ABTB2: variants seen among roughly 807,000 people sequenced by gnomAD.
ABTB2 encodes the protein ankyrin repeat and BTB domain containing 2, also known as ankyrin repeat and BTB/POZ domain-containing protein 2.
Under a neutral mutation model 104.1 loss-of-function variants are expected in ABTB2, and 56 were observed. The ratio of observed to expected loss-of-function variants is 0.54; its 90% CI spans 0.43 to 0.67. The LOEUF is 0.67. Among genes scored for constraint, ABTB2 ranks in the 30% least tolerant of loss-of-function variants. ABTB2 has a pLI of 0.00. For missense variants in ABTB2, 1,279 were observed against 1,407.7 expected, an observed-to-expected ratio of 0.91 and a Z score of 1.46; for synonymous variants, 606 against 608.2, an observed-to-expected ratio of 1.00 and a Z score of 0.05.
chr11:34,302,749 G>A (rs1412085528), intron 1 of ABTB2, among the ~76,000 whole-genome samples: 1 of 152,222 alleles, frequency 6.6e-6, no homozygotes, highest in Non-Finnish European at 1.5e-5. Context: ...TTTAGCGCTT[G>A]CGAGGGGTAG....
At chr11:34,192,603 G>A (rs1853194027) in intron 3 of ABTB2, among the ~76,000 whole-genome samples, 1 of 152,212 alleles carries the variant, frequency 6.6e-6, no homozygotes, top group Admixed American at 6.5e-5. Flanking sequence ...CCACAGAGGC[G>A]GAGACGTGCT....
At chr11:34,301,229 G>A (rs1014112807) in intron 1 of ABTB2, among the ~76,000 whole-genome samples, 1 of 152,106 alleles carries the variant, frequency 6.6e-6, no homozygotes, top group African/African-American at 2.4e-5. Context: ...GAAGGGAGCT[G>A]CCCACATGCT....
intron 1 of ABTB2, among the ~76,000 whole-genome samples, chr11:34,340,588 T>C (rs928763940): frequency 6.6e-6 from 1 of 152,178 alleles, no homozygotes; most frequent in African/African-American, 2.4e-5. Flanking sequence ...CTTTTGGTCC[T>C]ACTCTTCTCA....
chr11:34,200,626 A>T (rs1002793880), intron 2 of ABTB2, among the ~76,000 whole-genome samples: 1 of 152,146 alleles, frequency 6.6e-6, no homozygotes, highest in Non-Finnish European at 1.5e-5. Context: ...GCCACTTTGT[A>T]TTTTCTAGGC....
chr11:34,204,327 T>C (rs1853379081), intron 2 of ABTB2, among the ~76,000 whole-genome samples: 2 of 152,186 alleles, frequency 1.3e-5, no homozygotes, highest in African/African-American at 4.8e-5. Context: ...ACCATGTTGC[T>C]AGATCATTTG....
Position 34,301,361 on chromosome 11 carries a change from T to C in ABTB2, c.883+55340A>G, listed in dbSNP as rs75968303. Among the ~76,000 whole-genome samples the C allele has an allele frequency of 4.2e-3, 639 of 152,308 alleles. 34 individuals are homozygous for C. In the East Asian group the frequency reaches 0.11, roughly 26 times the overall value. On this transcript the variant is annotated intron_variant, in intron 1 of 16. Coordinates refer to ENST00000435224, the MANE Select transcript of ABTB2 (RefSeq NM_145804.3). Reference sequence around the variant, plus strand: ...CTGGGATAGCAGATAAGGCCCTGTGTACTTGAACTAGATATTTCGAATGAT... The same window carrying C: ...CTGGGATAGCAGATAAGGCCCTGTGCACTTGAACTAGATATTTCGAATGAT...
intron 1 of ABTB2, among the ~76,000 whole-genome samples, chr11:34,279,936 G>A (rs531819519): frequency 4.6e-5 from 7 of 151,652 alleles, no homozygotes; most frequent in East Asian, 3.9e-4. Context: ...CTACAGGTGC[G>A]TGCCACCACA....
Position 34,160,002 on chromosome 11 carries a change from TG to T in ABTB2, c.2509del (p.His837ThrfsTer3). 1 of 1,612,650 alleles carries T rather than the reference TG, an allele frequency of 6.2e-7. No homozygotes were observed. The highest frequency in any genetic ancestry group is 8.5e-7 in the Non-Finnish European group (1 of 1,179,080). On this transcript the variant is annotated frameshift_variant, in exon 13 of 17. Transcript: ENST00000435224. LOFTEE classifies it high-confidence loss of function. ...TGACATCTCCTTATTGTTCAAAAAG[TG>T]TGGATCTGTGAAAAGCGGGGAGACA... ...RKTLPARLDP[H>X]FLNNKEMSDV... is the part of the protein sequence containing the mutation.
chr11:34,287,013 C>A (rs73497342), intron 1 of ABTB2, among the ~76,000 whole-genome samples: 3 of 152,060 alleles, frequency 2.0e-5, no homozygotes, highest in South Asian at 4.1e-4. Context: ...GCCTCCTCAT[C>A]ATGGTGGTGG....
chr11:34,357,706 G>C lies in ABTB2; in HGVS notation c.-123C>G, dbSNP rs1038819290. On this transcript the variant is annotated 5_prime_UTR_variant, in exon 1 of 17. Transcript: ENST00000435224. The stretch of plus-strand genomic sequence containing the variant: ...CCACCCTCCTTCCTCTCTGCGTCGC[G>C]GGGCTCGGCGGCCGCATTGCCTGCC... The C allele has an allele frequency of 3.6e-6, 4 of 1,125,180 alleles. No individual in the cohort carries two copies. In the African/African-American group the frequency reaches 6.5e-5, roughly 18 times the overall value. 69.7% of individuals were successfully genotyped at this position (1,125,180 alleles called of 1,614,324 possible).
chr11:34,167,482 G>A, intron 6 of ABTB2, 122 bp from the exon 7 acceptor site: 1 of 830,460 alleles, frequency 1.2e-6, no homozygotes, highest in Non-Finnish European at 1.9e-6. Flanking sequence ...TTTGCCTGGA[G>A]CACAAAGTGG....
At chr11:34,178,841 T>G (rs1852988355) in intron 3 of ABTB2, among the ~76,000 whole-genome samples, 1 of 152,134 alleles carries the variant, frequency 6.6e-6, no homozygotes, top group East Asian at 1.9e-4. Context: ...TTTGGAAGGC[T>G]GAGGTGGGCG....
At chr11:34,320,893 G>GT (rs1854993290) in intron 1 of ABTB2, among the ~76,000 whole-genome samples, 1 of 152,174 alleles carries the variant, frequency 6.6e-6, no homozygotes, top group Non-Finnish European at 1.5e-5. Context: ...ATTTAAAGAT[G>GT]TTTTACTGGC....
At chr11:34,315,330 T>C (rs145513170) in intron 1 of ABTB2, among the ~76,000 whole-genome samples, 189 of 152,312 alleles carry the variant, frequency 1.2e-3, no homozygotes, top group Non-Finnish European at 2.2e-3. Flanking sequence ...TGGTTTCAGC[T>C]GATGGGGAGA....
At chr11:34,331,390 T>C (rs909436424) in intron 1 of ABTB2, among the ~76,000 whole-genome samples, 1 of 152,118 alleles carries the variant, frequency 6.6e-6, no homozygotes, top group African/African-American at 2.4e-5. Flanking sequence ...GAGGTTGCAA[T>C]ACTCCTTCAG....
intron 3 of ABTB2, among the ~76,000 whole-genome samples, chr11:34,187,605 C>T (rs1853118891): frequency 6.6e-6 from 1 of 150,900 alleles, no homozygotes; most frequent in Admixed American, 6.6e-5. Flanking sequence ...TCAAGAGATT[C>T]TCCCACTCAG....
chr11:34,200,992 C>T (rs539307071), intron 2 of ABTB2, among the ~76,000 whole-genome samples: 1 of 152,122 alleles, frequency 6.6e-6, no homozygotes, highest in African/African-American at 2.4e-5. Context: ...TTTTAAAAAT[C>T]GGGCTTGCAT....
chr11:34,203,036 G>T (rs75486712), intron 2 of ABTB2, among the ~76,000 whole-genome samples: 3,910 of 152,192 alleles, frequency 0.026, 163 homozygotes, highest in African/African-American at 0.089. Flanking sequence ...CCCTTAGGCT[G>T]GGCTGGGGTT....
intron 1 of ABTB2, among the ~76,000 whole-genome samples, chr11:34,352,936 C>T (rs913822424): frequency 2.0e-5 from 3 of 152,188 alleles, no homozygotes; most frequent in Non-Finnish European, 4.4e-5. Context: ...TGGCATATGC[C>T]TGCAGTCCCA....
Sources: allele counts gnomAD v4.1 joint callset (sites outside exome capture counted in the v4.1 genomes callset), GRCh38; gene constraint gnomAD v4.1.1; transcripts MANE v1.5; gene names NCBI Gene and HGNC (gene_info 2026-07-23, HGNC 2026-07-21).